PC: variants seen among roughly 807,000 people sequenced by gnomAD.
The protein encoded by PC is pyruvate carboxylase.
In PC, 46 loss-of-function variants were observed where a neutral mutation model predicts 107.8. The ratio of observed to expected loss-of-function variants is 0.43; its 90% confidence interval spans 0.34 to 0.55. PC has a LOEUF of 0.55. Ranked by LOEUF, PC falls within the 20% of genes least tolerant of loss-of-function variation. PC has a pLI of 0.04. For missense variants in PC, 1,241 were observed against 1,643.1 expected (o/e 0.76, Z 4.23); for synonymous variants, 662 against 684.7 (o/e 0.97, Z 0.52).
intron 3 of PC, among the ~76,000 whole-genome samples, chr11:66,914,510 T>C (rs1948420798): frequency 1.0e-5 from 1 of 97,676 alleles, no homozygotes; most frequent in Non-Finnish European, 2.3e-5. Context: ...AAACTCTGTC[T>C]CAAAAAAAAA....
chr11:66,907,077 T>C (rs527432133), intron 3 of PC, among the ~76,000 whole-genome samples: 3 of 152,222 alleles, frequency 2.0e-5, no homozygotes, highest in Non-Finnish European at 4.4e-5. Context: ...CGGCTGGTGC[T>C]GAACTATGAG....
chr11:66,869,002 C>G (rs372400892), intron 9 of PC, 38 bp from the exon 10 acceptor site: 21 of 1,515,044 alleles, frequency 1.4e-5, no homozygotes, highest in Non-Finnish European at 1.8e-5. Context: ...AGGGCACAGG[C>G]AGGGCCTGGG....
At chr11:66,956,667 C>A (rs1279531553) in intron 1 of PC, among the ~76,000 whole-genome samples, 1 of 152,218 alleles carries the variant, frequency 6.6e-6, no homozygotes, top group African/African-American at 2.4e-5. Flanking sequence ...ATCACTGTTT[C>A]TCCACTGCAG....
chr11:66,861,686 G>C (rs1565231955), intron 12 of PC, among the ~76,000 whole-genome samples: 1 of 152,174 alleles, frequency 6.6e-6, no homozygotes, highest in African/African-American at 2.4e-5. Context: ...GAGGGCCAGG[G>C]CTGCCACGCT....
chr11:66,928,385 C>CAAAAAAA (rs752969475), intron 3 of PC, among the ~76,000 whole-genome samples: 1 of 94,756 alleles, frequency 1.1e-5, no homozygotes, highest in Admixed American at 1.3e-4. Context: ...GACTCCATCT[C>CAAAAAAA]AAAAAAAAAA....
chr11:66,864,852 C>G (rs1367130872), intron 11 of PC, among the ~76,000 whole-genome samples: 1 of 152,114 alleles, frequency 6.6e-6, no homozygotes, highest in Admixed American at 6.5e-5. Context: ...CCCGTCAGGC[C>G]CAGGTAAGGA....
At position 66,851,780 on chromosome 11, in the gene PC, C is replaced by T. The variant is rs373251486; in HGVS notation, c.1982+10G>A. 4 of 1,614,014 alleles carry T rather than the reference C, an allele frequency of 2.5e-6. No homozygotes were observed. Among genetic ancestry groups the T allele is most frequent in the East Asian group, 2.2e-5 (1 of 44,902 alleles). ...CCAGGTAGCGTCTGCCCACCCCACC[C>T]CAGGCTCACTTGAAGACCACGTTGT... On this transcript the variant is annotated intron_variant, in intron 16 of 22. Transcript: ENST00000393960.
At position 66,871,310 on chromosome 11, in the gene PC, T is replaced by A. The variant is rs776944688; in HGVS notation, c.487+5A>T. On this transcript the variant is annotated splice_donor_5th_base_variant and intron_variant, in intron 6 of 22. Coordinates refer to ENST00000393960, the MANE Select transcript of PC (RefSeq NM_001040716.2). The surrounding 1 kb of genome is among the most constrained non-coding windows in gnomAD (Gnocchi z 7.4). ...GGCCACCCCTTGCTTGCCCGTTATA[T>A]TCACCCGCAGCAATGGCGATGGCCC... 12 of 1,613,904 alleles carry A rather than the reference T, an allele frequency of 7.4e-6. No homozygotes were observed. The South Asian group carries it at 1.3e-4, about 18-fold the overall frequency.
At chr11:66,883,086 C>A (rs1159708850) in intron 3 of PC, among the ~76,000 whole-genome samples, 2 of 152,234 alleles carry the variant, frequency 1.3e-5, no homozygotes, top group African/African-American at 4.8e-5. Flanking sequence ...CCAAGTGGCA[C>A]TGCGGCGACG....
intron 3 of PC, among the ~76,000 whole-genome samples, chr11:66,923,576 C>T (rs959121647): frequency 1.7e-4 from 26 of 151,866 alleles, no homozygotes; most frequent in Non-Finnish European, 3.1e-4. Flanking sequence ...AGTAGTGGCG[C>T]GATCTCGGCT....
Position 66,870,233 on chromosome 11 carries a change from G to A in PC, c.903+69C>T, listed in dbSNP as rs566429468. On this transcript the variant is annotated intron_variant, in intron 9 of 22. Transcript: ENST00000393960. This position sits in a 1 kb window ranked among gnomAD's most constrained non-coding sequence, Gnocchi z 6.1. ...CTCAGGGTCCCCTTCCCCAACCAGC[G>A]CCCCACTGTGAGGCCTGCCGGCCTG... The A allele has an allele frequency of 4.0e-5, 63 of 1,586,872 alleles. No homozygotes were observed. In the South Asian group the frequency reaches 5.0e-4, roughly 13 times the overall value.
At chr11:66,947,411 G>C (rs952153617) in intron 3 of PC, among the ~76,000 whole-genome samples, 1 of 151,534 alleles carries the variant, frequency 6.6e-6, no homozygotes, top group Admixed American at 6.6e-5. Flanking sequence ...GTGAAACCCC[G>C]TCTCTACTAA....
intron 3 of PC, among the ~76,000 whole-genome samples, chr11:66,886,106 C>A (rs867330961): frequency 6.6e-6 from 1 of 151,672 alleles, no homozygotes; most frequent in South Asian, 2.1e-4. Flanking sequence ...AGGCGGGCCA[C>A]GCCTGCGTGG....
chr11:66,942,383 G>A (rs1233021440), intron 3 of PC, among the ~76,000 whole-genome samples: 1 of 144,656 alleles, frequency 6.9e-6, no homozygotes, highest in East Asian at 2.0e-4. Flanking sequence ...CTGGGCGACA[G>A]AGCGAGACTC....
intron 10 of PC, among the ~76,000 whole-genome samples, chr11:66,867,513 C>G (rs1157933905): frequency 2.0e-5 from 3 of 152,232 alleles, no homozygotes; most frequent in African/African-American, 7.2e-5. Context: ...GCAGAGATGA[C>G]AGCTTCCACT....
chr11:66,853,433 G>A (rs1301231216), intron 12 of PC, 50 bp from the exon 13 acceptor site: 3 of 1,607,648 alleles, frequency 1.9e-6, no homozygotes, highest in South Asian at 1.1e-5. Flanking sequence ...CACAGACAGG[G>A]AAGGCAGAGG....
intron 3 of PC, chr11:66,919,804 G>A (rs1210232722): frequency 6.6e-6 from 1 of 152,148 alleles, no homozygotes. Context: ...AGGCTTTCAG[G>A]TCTTTGCCAG....
chr11:66,919,811 C>A (rs1948551388), intron 3 of PC: 1 of 152,054 alleles, frequency 6.6e-6, no homozygotes, highest in African/African-American at 2.4e-5. Context: ...CAGGTCTTTG[C>A]CAGAAAGCCC....
intron 3 of PC, among the ~76,000 whole-genome samples, chr11:66,891,088 G>A (rs931182776): frequency 6.6e-6 from 1 of 151,864 alleles, no homozygotes; most frequent in African/African-American, 2.4e-5. Flanking sequence ...TCAGAGTCTC[G>A]CTCTGTCGCC....
Sources: allele counts gnomAD v4.1 joint callset (sites outside exome capture counted in the v4.1 genomes callset), GRCh38; gene constraint gnomAD v4.1.1; non-coding constraint Gnocchi (gnomAD v3.1); transcripts MANE v1.5; gene names NCBI Gene and HGNC (gene_info 2026-07-23, HGNC 2026-07-21).